The following ZFP90 variants were observed in gnomAD, a reference collection of about 807,000 sequenced individuals.
The protein encoded by ZFP90 is zinc finger protein 90 homolog.
In ZFP90, 38 loss-of-function variants were observed where a neutral mutation model predicts 60.8. The observed-to-expected ratio is 0.62, with a 90% confidence interval of 0.48 to 0.82. ZFP90 has a LOEUF of 0.82. Ranked by LOEUF, ZFP90 falls within the 40% of genes least tolerant of loss-of-function variation. The pLI is 0.00. For synonymous variants in ZFP90, 287 were observed against 264.8 expected (o/e 1.08, Z -0.82); for missense variants, 711 against 759.1 (o/e 0.94, Z 0.74).
chr16:68,538,755 A>AT (rs1432087870), upstream of ZFP90, among the ~76,000 whole-genome samples: 1 of 152,214 alleles, frequency 6.6e-6, no homozygotes, highest in Non-Finnish European at 1.5e-5. Flanking sequence ...CCCAAACAAA[A>AT]TCCTGCGTAA....
At chr16:68,537,589 A>G (rs1158806536), upstream of ZFP90, among the ~76,000 whole-genome samples, 1 of 152,038 alleles carries the variant, frequency 6.6e-6, no homozygotes, top group African/African-American at 2.4e-5. Flanking sequence ...ATTTTTTGAG[A>G]CAGTCTCGCT....
chr16:68,576,291 C>G (rs1164444478), downstream of ZFP90, among the ~76,000 whole-genome samples: 2 of 152,178 alleles, frequency 1.3e-5, no homozygotes, highest in Non-Finnish European at 2.9e-5. Flanking sequence ...TGACCTGACT[C>G]AGTGCAAACA....
chr16:68,536,794 C>G (rs1192595768), upstream of ZFP90, among the ~76,000 whole-genome samples: 1 of 152,180 alleles, frequency 6.6e-6, no homozygotes, highest in Non-Finnish European at 1.5e-5. Context: ...CTCTTGAGAC[C>G]TGGTTACCAA....
chr16:68,575,535 CAAAAAA>C (rs34872149), intron 2 of ZFP90, among the ~76,000 whole-genome samples: 34 of 82,392 alleles, frequency 4.1e-4, no homozygotes, highest in African/African-American at 4.0e-4. Flanking sequence ...TGTGAGTATG[CAAAAAA>C]AAAAAAAAAA....
rs1187350414 is a variant in ZFP90 at position 68,566,555 on chromosome 16, GTC to G, written c.*1862_*1863del. ...AAATGTAATATGTGTAGCTCAATTAGTCTCTCCTCTGTGATGCAAAATGGAAT... is the reference window on the plus strand; with the variant it reads ...AAATGTAATATGTGTAGCTCAATTAGTCTCCTCTGTGATGCAAAATGGAAT... On this transcript the variant is annotated 3_prime_UTR_variant, in exon 5 of 5. Transcript: ENST00000563169. 2.0e-6 allele frequency: 2 copies of G among 985,410 alleles called. No individual in the cohort carries two copies. The highest frequency in any genetic ancestry group is 3.5e-5 in the African/African-American group (2 of 57,202). 61.0% of individuals were successfully genotyped at this position (985,410 alleles called of 1,614,324 possible).
At chr16:68,549,403 C>T (rs1457094869) in intron 2 of ZFP90, among the ~76,000 whole-genome samples, 3 of 152,066 alleles carry the variant, frequency 2.0e-5, no homozygotes, top group Admixed American at 1.3e-4. Context: ...TTTGGCTGGG[C>T]GCGGTGGCTC....
intron 2 of ZFP90, among the ~76,000 whole-genome samples, chr16:68,572,855 C>T (rs2091575221): frequency 6.6e-6 from 1 of 152,192 alleles, no homozygotes; most frequent in Admixed American, 6.5e-5. Context: ...AGGGGTGCCC[C>T]CAACTGTCTG....
rs2091506972 is a variant in ZFP90, at chr16:68,565,250, T to A, written c.*552T>A. ...GGTTTCCACAGTATGATACAGCCTA[T>A]AAGGGTAAAGCTGGGTTAAAAATGC... is the stretch of plus-strand genomic sequence containing the variant. On this transcript the variant is annotated 3_prime_UTR_variant, in exon 5 of 5. Transcript: ENST00000563169. 1.0e-6 allele frequency: 1 copy of A among 985,116 alleles called. No homozygotes were observed. 61.0% of individuals were successfully genotyped at this position (985,116 alleles called of 1,614,324 possible).
chr16:68,556,149 G>GA (rs2091340478), intron 2 of ZFP90, among the ~76,000 whole-genome samples: 2 of 152,284 alleles, frequency 1.3e-5, no homozygotes, highest in East Asian at 3.9e-4. Context: ...CAAGCTGGGT[G>GA]AGAGAGTGAG....
chr16:68,561,772 C>A (rs535141324), intron 4 of ZFP90, among the ~76,000 whole-genome samples: 1 of 152,116 alleles, frequency 6.6e-6, no homozygotes, highest in Non-Finnish European at 1.5e-5. Context: ...GAGAACAATT[C>A]TTAAAAAAAT....
downstream of ZFP90, among the ~76,000 whole-genome samples, chr16:68,569,588 G>T (rs2091556472): frequency 6.6e-6 from 1 of 152,040 alleles, no homozygotes; most frequent in African/African-American, 2.4e-5. Context: ...TTATTTCCTA[G>T]TTAACTGAGA....
upstream of ZFP90, among the ~76,000 whole-genome samples, chr16:68,536,367 C>T (rs956089234): frequency 4.5e-4 from 68 of 152,112 alleles, no homozygotes; most frequent in African/African-American, 1.4e-3. Flanking sequence ...TACAGTGGCA[C>T]GATCTCAGCT....
intron 4 of ZFP90, among the ~76,000 whole-genome samples, chr16:68,560,701 C>T (rs2091427460): frequency 6.6e-6 from 1 of 151,818 alleles, no homozygotes; most frequent in Non-Finnish European, 1.5e-5. Context: ...GGACTACAGG[C>T]ACGCACCAAC....
At chr16:68,536,797 G>A (rs1241352401), upstream of ZFP90, among the ~76,000 whole-genome samples, 1 of 152,086 alleles carries the variant, frequency 6.6e-6, no homozygotes, top group African/African-American at 2.4e-5. Flanking sequence ...TTGAGACCTG[G>A]TTACCAATTC....
chr16:68,556,074 G>A (rs2091339458), intron 2 of ZFP90, among the ~76,000 whole-genome samples: 1 of 152,218 alleles, frequency 6.6e-6, no homozygotes, highest in Admixed American at 6.5e-5. Context: ...GGAGGCTAAG[G>A]TGGGAGGATT....
intron 3 of ZFP90, 64 bp downstream of exon 3, chr16:68,558,188 T>G: frequency 1.3e-6 from 2 of 1,597,678 alleles, no homozygotes; most frequent in South Asian, 2.3e-5. Flanking sequence ...GTTGCTATAG[T>G]GGTGGTGCCC....
downstream of ZFP90, among the ~76,000 whole-genome samples, chr16:68,576,265 A>G (rs1350848377): frequency 6.6e-6 from 1 of 152,248 alleles, no homozygotes; most frequent in South Asian, 2.1e-4. Flanking sequence ...CTCTACTCAC[A>G]AGACTTATCT....
Position 68,564,280 on chromosome 16 carries a change from A to T in ZFP90, c.1493A>T (p.Gln498Leu), listed in dbSNP as rs752034310. ...AISHPGEKPY[Q>L]CNVCGKAFKR... ...TCTCATCCTGGAGAGAAACCCTATC[A>T]ATGTAATGTATGTGGGAAAGCTTTC... Residue 498 changes from glutamine to leucine, a missense_variant, in exon 5 of 5, where the codon CAA becomes CTA. By Grantham distance (113) the Gln-to-Leu change is moderately radical. This residue lies in a region of ZFP90 where 295 missense variants were observed against 274.0 expected (regional missense o/e 1.08). Coordinates refer to ENST00000563169, the MANE Select transcript of ZFP90 (RefSeq NM_001305203.2). 6.2e-7 allele frequency: 1 copy of T among 1,614,082 alleles called. No homozygotes were observed. Among genetic ancestry groups the T allele is most frequent in the African/African-American group, 1.3e-5 (1 of 75,016 alleles).
At chr16:68,576,284 C>T (rs1331416236), downstream of ZFP90, among the ~76,000 whole-genome samples, 2 of 152,132 alleles carry the variant, frequency 1.3e-5, no homozygotes, top group Non-Finnish European at 2.9e-5. Flanking sequence ...CTTTATTTGA[C>T]CTGACTCAGT....
Sources: gnomAD v4.1 joint callset for allele counts (sites outside exome capture counted in the v4.1 genomes callset) on GRCh38, gnomAD v4.1.1 for gene constraint, gnomAD v4.1.1 regional missense constraint, MANE v1.5 for transcripts, NCBI Gene and HGNC (gene_info 2026-07-23, HGNC 2026-07-21) for gene names.